SREBF2: variants seen among roughly 807,000 people sequenced by gnomAD.
SREBF2 encodes the protein sterol regulatory element-binding protein 2.
A neutral mutation model predicts 113.1 loss-of-function variants in SREBF2; 55 were observed. That is an observed-to-expected ratio of 0.49 (90% CI 0.39 to 0.61). The LOEUF is 0.61. SREBF2 is among the 20% of genes least tolerant of loss of function. The probability of loss-of-function intolerance (pLI) is 0.00; values close to 1 mark genes in which losing one functional copy is unlikely to be tolerated. For synonymous variants in SREBF2, 593 were observed against 605.7 expected, an observed-to-expected ratio of 0.98 and a Z score of 0.31; for missense variants, 1,349 against 1,487.4, an observed-to-expected ratio of 0.91 and a Z score of 1.53.
intron 1 of SREBF2, among the ~76,000 whole-genome samples, chr22:41,848,536 T>C (rs1207624153): frequency 6.6e-6 from 1 of 152,160 alleles, no homozygotes; most frequent in Non-Finnish European, 1.5e-5. Flanking sequence ...AGGGTGGGGC[T>C]CTTGCATGGG....
At chr22:41,855,385 G>T (rs2076968394) in intron 1 of SREBF2, among the ~76,000 whole-genome samples, 1 of 152,060 alleles carries the variant, frequency 6.6e-6, no homozygotes. Context: ...AATTAGCTGG[G>T]TGTGGTGGCG....
intron 15 of SREBF2, chr22:41,899,932 A>C (rs1359536724): frequency 8.8e-7 from 1 of 1,138,720 alleles, no homozygotes; most frequent in Non-Finnish European, 1.1e-6. Context: ...GAAGCTAACT[A>C]AGTATCTCCA....
intron 1 of SREBF2, among the ~76,000 whole-genome samples, chr22:41,848,235 A>G (rs969803732): frequency 5.3e-5 from 8 of 151,910 alleles, no homozygotes; most frequent in Non-Finnish European, 8.8e-5. Context: ...ATATCTCCCA[A>G]TGCTATCCCT....
intron 11 of SREBF2, 70 bp from the exon 12 acceptor site, chr22:41,893,047 T>C: frequency 6.3e-7 from 1 of 1,577,234 alleles, no homozygotes; most frequent in South Asian, 1.1e-5. Flanking sequence ...TGGTGCTTTC[T>C]GCACCCCACA....
intron 1 of SREBF2, among the ~76,000 whole-genome samples, chr22:41,856,600 G>A (rs2076979953): frequency 6.6e-6 from 1 of 152,202 alleles, no homozygotes; most frequent in Non-Finnish European, 1.5e-5. Flanking sequence ...GTAGAAAAGA[G>A]AAGACATGGC....
At chr22:41,861,327 C>A (rs9619999) in intron 1 of SREBF2, among the ~76,000 whole-genome samples, 178 of 152,016 alleles carry the variant, frequency 1.2e-3, no homozygotes, top group African/African-American at 4.1e-3. Context: ...ACTAAAAATA[C>A]AAAAATTAGC....
chr22:41,900,926 A>ATAC (rs746743837), intron 16 of SREBF2: 1 of 537,956 alleles, frequency 1.9e-6, no homozygotes, highest in Non-Finnish European at 3.8e-6. Flanking sequence ...GGCTGGCCGC[A>ATAC]TACCTCCTGG....
chr22:41,865,140 C>G (rs1006432907), intron 1 of SREBF2, among the ~76,000 whole-genome samples: 36 of 96,676 alleles, frequency 3.7e-4, no homozygotes, highest in African/African-American at 2.2e-3. Context: ...CCCACATCCC[C>G]CAAAAAACAC....
At chr22:41,904,803 C>A in intron 17 of SREBF2, 60 bp from the exon 18 acceptor site, 1 of 1,362,524 alleles carries the variant, frequency 7.3e-7, no homozygotes, top group Non-Finnish European at 1.0e-6. Flanking sequence ...GGAGAGCTAC[C>A]CTGGGCATAG....
chr22:41,883,613 C>G (rs2077270685), intron 10 of SREBF2, among the ~76,000 whole-genome samples: 1 of 152,190 alleles, frequency 6.6e-6, no homozygotes, highest in African/African-American at 2.4e-5. Flanking sequence ...GTGTGAGGCA[C>G]TGAGGGGACA....
In SREBF2 at chr22:41,900,473, C is replaced by T; in HGVS notation, c.2882C>T (p.Ala961Val). 1.9e-6 allele frequency: 3 copies of T among 1,613,556 alleles called. No homozygotes were observed. Among genetic ancestry groups the T allele is most frequent in the Non-Finnish European group, 2.5e-6 (3 of 1,179,868 alleles). Residue 961 changes from alanine (A) to valine (V), a missense_variant, in exon 16 of 19, where the codon GCC becomes GTC. Transcript: ENST00000361204. ...TGGAGCAGCCTCAACGTCAGTGGGG[C>T]CACCTCTGACCCTGCCCTCAACCAC... is the stretch of plus-strand genomic sequence containing the variant. Reference protein sequence around the residue: ...HLWSSLNVSGATSDPALNHVV... With the variant: ...HLWSSLNVSGVTSDPALNHVV...
intron 1 of SREBF2, among the ~76,000 whole-genome samples, chr22:41,854,156 G>GT (rs1337827720): frequency 2.0e-5 from 3 of 151,406 alleles, no homozygotes. Context: ...TGTGTTTTGT[G>GT]TTTTTTTGTT....
At position 41,898,819 on chromosome 22, in the gene SREBF2, C is replaced by T. The variant is rs753592235; in HGVS notation, c.2738+38C>T. 6 of 1,611,496 alleles carry T rather than the reference C, an allele frequency of 3.7e-6. No individual in the cohort carries two copies. In the South Asian group the frequency reaches 6.6e-5, roughly 18 times the overall value. Reference sequence around the variant, plus strand: ...CCTTGGCCACTCACTTGCTTCTCTCCAGGGGAATCTTGTTTGAGTTAGCAG... The same window carrying T: ...CCTTGGCCACTCACTTGCTTCTCTCTAGGGGAATCTTGTTTGAGTTAGCAG... On this transcript the variant is annotated intron_variant, in intron 15 of 18. Transcript: ENST00000361204.
At chr22:41,859,238 C>T (rs997259350) in intron 1 of SREBF2, among the ~76,000 whole-genome samples, 1 of 151,918 alleles carries the variant, frequency 6.6e-6, no homozygotes, top group Admixed American at 6.6e-5. Context: ...TTGAAAAACA[C>T]CTGAGGTTTG....
chr22:41,848,666 G>A (rs1220421751), intron 1 of SREBF2, among the ~76,000 whole-genome samples: 1 of 152,098 alleles, frequency 6.6e-6, no homozygotes, highest in African/African-American at 2.4e-5. Flanking sequence ...TTGTGGAGCA[G>A]GGTGCTTGAG....
At chr22:41,899,614 A>C in intron 15 of SREBF2, 1 of 981,520 alleles carries the variant, frequency 1.0e-6, no homozygotes, top group Non-Finnish European at 1.2e-6. Flanking sequence ...CCCTAATTTC[A>C]TTGAAGTAGC....
At chr22:41,896,440 A>C (rs565219771) in intron 13 of SREBF2, among the ~76,000 whole-genome samples, 2 of 152,062 alleles carry the variant, frequency 1.3e-5, no homozygotes, top group South Asian at 4.2e-4. Flanking sequence ...GCTCACTGCA[A>C]CCTCTGCCTC....
intron 1 of SREBF2, among the ~76,000 whole-genome samples, chr22:41,852,104 G>C (rs1368776488): frequency 1.3e-5 from 2 of 151,894 alleles, no homozygotes. Context: ...CTGGGCGATA[G>C]AGAGAGACTC....
chr22:41,894,774 TCA>T, intron 12 of SREBF2, 44 bp from the exon 13 acceptor site: 1 of 1,533,424 alleles, frequency 6.5e-7, no homozygotes, highest in Non-Finnish European at 9.0e-7. Flanking sequence ...CAAAGTGGGC[TCA>T]TAAATGAGCT....
Sources: gnomAD v4.1 joint callset for allele counts (sites outside exome capture counted in the v4.1 genomes callset) on GRCh38, gnomAD v4.1.1 for gene constraint, MANE v1.5 for transcripts, NCBI Gene and HGNC (gene_info 2026-07-23, HGNC 2026-07-21) for gene names.